Variants in APPL2 observed in about 807,000 individuals in gnomAD.
APPL2 encodes the protein DCC-interacting protein 13-beta.
APPL2 carries 84 observed loss-of-function variants against 92.7 expected under a neutral mutation model. The ratio of observed to expected loss-of-function variants is 0.91; its 90% CI spans 0.76 to 1.09. The LOEUF is 1.09. APPL2 is among the 50% of genes least tolerant of loss of function. The pLI is 0.00. For synonymous variants in APPL2, 291 were observed against 291.0 expected, an observed-to-expected ratio of 1.00 and a Z score of 0.00; for missense variants, 736 against 824.5, an observed-to-expected ratio of 0.89 and a Z score of 1.31.
In APPL2 at chr12:105,189,752, A is replaced by C; in HGVS notation, c.1459+20T>G. 3 of 1,613,086 alleles carry C rather than the reference A, an allele frequency of 1.9e-6. No individual in the cohort carries two copies. Among genetic ancestry groups the C allele is most frequent in the Non-Finnish European group, 1.7e-6 (2 of 1,179,024 alleles). On this transcript the variant is annotated intron_variant, in intron 16 of 20. Transcript: ENST00000258530. ...ATTTTGTGCAGAGGAAAGAATAAGGACACCAAACTAGTCACTTACCTTCTG... is the reference window on the plus strand; with the variant it reads ...ATTTTGTGCAGAGGAAAGAATAAGGCCACCAAACTAGTCACTTACCTTCTG...
At chr12:105,198,052 A>C in intron 10 of APPL2, 99 bp from the exon 11 acceptor site, 1 of 1,211,670 alleles carries the variant, frequency 8.3e-7, no homozygotes, top group Non-Finnish European at 1.1e-6. Flanking sequence ...GCATTTTAGA[A>C]ATAATGTGTT....
chr12:105,217,803 C>A, intron 2 of APPL2, 78 bp from the exon 3 acceptor site: 1 of 1,412,584 alleles, frequency 7.1e-7, no homozygotes, highest in South Asian at 1.2e-5. Context: ...CTCTGAGAAT[C>A]CCTTAAAAAG....
chr12:105,217,598 T>C (rs1889792052), intron 3 of APPL2, 68 bp downstream of exon 3: 1 of 1,487,816 alleles, frequency 6.7e-7, no homozygotes, highest in Admixed American at 1.8e-5. Context: ...TAAGGATGCC[T>C]CTGGATAATT....
intron 11 of APPL2, 135 bp from the exon 12 acceptor site, chr12:105,195,762 TG>T: frequency 1.0e-6 from 1 of 992,894 alleles, no homozygotes; most frequent in Non-Finnish European, 1.5e-6. Context: ...GGAAAGAAAA[TG>T]GGGTTCCAGG....
At chr12:105,225,679 A>T (rs1335094059) in intron 2 of APPL2, among the ~76,000 whole-genome samples, 1 of 152,238 alleles carries the variant, frequency 6.6e-6, no homozygotes, top group Non-Finnish European at 1.5e-5. Context: ...ACAATGGACT[A>T]TTGCCAGACG....
intron 17 of APPL2, among the ~76,000 whole-genome samples, chr12:105,181,148 T>G (rs1297816880): frequency 6.6e-6 from 1 of 152,208 alleles, no homozygotes; most frequent in Non-Finnish European, 1.5e-5. Context: ...ATACCTAGTT[T>G]ATTGAGTGTT....
At chr12:105,174,923 G>A (rs1023858696) in intron 20 of APPL2, among the ~76,000 whole-genome samples, 2 of 143,230 alleles carry the variant, frequency 1.4e-5, no homozygotes, top group African/African-American at 2.6e-5. Context: ...TCGCTCTATC[G>A]CCCAGGCTGG....
At chr12:105,199,872 A>G (rs1196746) in intron 9 of APPL2, among the ~76,000 whole-genome samples, 133,626 of 151,978 alleles carry the variant, frequency 0.88, 59,036 homozygotes, top group East Asian at 1. Flanking sequence ...AGGCTGGAGT[A>G]CAGTGGCGCG....
intron 1 of APPL2, among the ~76,000 whole-genome samples, chr12:105,230,728 A>G (rs2136096560): frequency 6.6e-6 from 1 of 152,296 alleles, no homozygotes; most frequent in Non-Finnish European, 1.5e-5. Context: ...TCTGCTCCAA[A>G]ACTCTGATGC....
Position 105,174,125 on chromosome 12 carries a change from G to A in APPL2, c.*189C>T. On this transcript the variant is annotated 3_prime_UTR_variant, in exon 21 of 21. Coordinates refer to ENST00000258530, the MANE Select transcript of APPL2 (RefSeq NM_018171.5). ...AAGCACCTAAAATAACATTGTAGATGGGTGGGAACGCTGTCAACCATTTCT... is the reference window on the plus strand; with the variant it reads ...AAGCACCTAAAATAACATTGTAGATAGGTGGGAACGCTGTCAACCATTTCT... The A allele has an allele frequency of 1.7e-6, 1 of 598,370 alleles. No individual in the cohort carries two copies. Among genetic ancestry groups the A allele is most frequent in the Non-Finnish European group, 2.7e-6 (1 of 371,222 alleles). The allele number at this position is 598,370 out of a possible 1,614,324, so 37.1% of individuals were successfully genotyped here.
At chr12:105,232,316 G>A (rs965318816) in intron 1 of APPL2, among the ~76,000 whole-genome samples, 1 of 152,100 alleles carries the variant, frequency 6.6e-6, no homozygotes, top group African/African-American at 2.4e-5. Context: ...CACAGCCTCA[G>A]CTCCCTATCA....
At chr12:105,178,922 AAC>A (rs1293261036) in intron 17 of APPL2, among the ~76,000 whole-genome samples, 1 of 152,236 alleles carries the variant, frequency 6.6e-6, no homozygotes, top group African/African-American at 2.4e-5. Flanking sequence ...GTGAAAACTT[AAC>A]ACATGCATAT....
intron 1 of APPL2, among the ~76,000 whole-genome samples, chr12:105,231,729 G>A (rs888386536): frequency 6.6e-6 from 1 of 152,190 alleles, no homozygotes; most frequent in Non-Finnish European, 1.5e-5. Context: ...TACATCACAA[G>A]TGTCCTTTTT....
intron 11 of APPL2, 61 bp from the exon 12 acceptor site, chr12:105,195,688 C>G: frequency 1.3e-6 from 2 of 1,581,778 alleles, no homozygotes. Context: ...GGGAATTTCT[C>G]TACATAAACT....
At chr12:105,195,921 G>A (rs1887600784) in intron 11 of APPL2, among the ~76,000 whole-genome samples, 1 of 152,064 alleles carries the variant, frequency 6.6e-6, no homozygotes, top group African/African-American at 2.4e-5. Flanking sequence ...TGGGCGTGGT[G>A]GCGTGTGCCT....
At chr12:105,217,209 G>T in intron 3 of APPL2, 69 bp from the exon 4 acceptor site, 2 of 1,028,648 alleles carry the variant, frequency 1.9e-6, no homozygotes, top group Non-Finnish European at 3.0e-6. Flanking sequence ...AGCATCACCT[G>T]CAGAACACGA....
At position 105,211,212 on chromosome 12, in the gene APPL2, T is replaced by C. The variant is rs1208027708; in HGVS notation, c.373+18A>G. 1.9e-6 allele frequency: 3 copies of C among 1,539,902 alleles called. No individual in the cohort carries two copies. Among genetic ancestry groups the C allele is most frequent in the Admixed American group, 1.7e-5 (1 of 59,508 alleles). On this transcript the variant is annotated intron_variant, in intron 5 of 20. Coordinates refer to ENST00000258530, the MANE Select transcript of APPL2 (RefSeq NM_018171.5). ...ACAATATTTTGAAGGTAACTGGCATTGAACTCAGTTACTTTACCTGTGAGA... is the reference window on the plus strand; with the variant it reads ...ACAATATTTTGAAGGTAACTGGCATCGAACTCAGTTACTTTACCTGTGAGA...
intron 11 of APPL2, 150 bp from the exon 12 acceptor site, chr12:105,195,777 A>C: frequency 1.3e-6 from 1 of 796,562 alleles, no homozygotes; most frequent in Non-Finnish European, 2.1e-6. Flanking sequence ...TTCCAGGGCC[A>C]GGTGCAGTGG....
chr12:105,174,559 CTT>C, intron 20 of APPL2, 111 bp from the exon 21 acceptor site: 5 of 1,197,400 alleles, frequency 4.2e-6, no homozygotes, highest in Non-Finnish European at 5.7e-6. Flanking sequence ...TCTCCTGACT[CTT>C]GTGTATATGT....
Sources: allele counts gnomAD v4.1 joint callset (sites outside exome capture counted in the v4.1 genomes callset), GRCh38; gene constraint gnomAD v4.1.1; transcripts MANE v1.5; gene names NCBI Gene and HGNC (gene_info 2026-07-23, HGNC 2026-07-21).